The following RAB3C variants were observed in gnomAD, a reference collection of about 807,000 sequenced individuals.
RAB3C encodes the protein ras-related protein Rab-3C.
Under a neutral mutation model 26.4 loss-of-function variants are expected in RAB3C, and 17 were observed. The observed-to-expected ratio is 0.64, with a 90% CI of 0.44 to 0.97. RAB3C has a LOEUF of 0.97. Ranked by LOEUF, RAB3C falls within the 50% of genes least tolerant of loss-of-function variation. RAB3C has a pLI of 0.00. For missense variants in RAB3C, 242 were observed against 281.9 expected (o/e 0.86, Z 1.01); for synonymous variants, 91 against 95.9 (o/e 0.95, Z 0.30).
At chr5:58,747,879 C>T (rs887879719) in intron 3 of RAB3C, among the ~76,000 whole-genome samples, 2 of 151,896 alleles carry the variant, frequency 1.3e-5, no homozygotes, top group Non-Finnish European at 2.9e-5. Context: ...TTTTATATTG[C>T]CTTTGCCCAA....
intron 2 of RAB3C, among the ~76,000 whole-genome samples, chr5:58,623,137 A>G (rs1409896647): frequency 2.0e-5 from 3 of 152,248 alleles, no homozygotes; most frequent in African/African-American, 7.2e-5. Flanking sequence ...TTTAAAACAC[A>G]TAGATATGCA....
rs141240962 is a variant in RAB3C, at chr5:58,611,625, A to G, written c.25-6018A>G. Among the ~76,000 whole-genome samples the G allele has an allele frequency of 8.5e-5, 13 of 152,186 alleles. No individual in the cohort carries two copies. In the East Asian group the frequency reaches 2.5e-3, roughly 29 times the overall value. Reference sequence around the variant, plus strand: ...TGTTTAAGTTCCTCATAGATGCAGTATATTAGACATTTGTTAGAGGCATAG... The same window carrying G: ...TGTTTAAGTTCCTCATAGATGCAGTGTATTAGACATTTGTTAGAGGCATAG... On this transcript the variant is annotated intron_variant, in intron 1 of 4. Transcript: ENST00000282878.
chr5:58,848,783 A>G (rs951353609), intron 4 of RAB3C, among the ~76,000 whole-genome samples: 8 of 152,228 alleles, frequency 5.3e-5, no homozygotes, highest in African/African-American at 1.4e-4. Context: ...AAGGAAATTA[A>G]GGATTTTTTT....
chr5:58,641,714 G>C (rs1445752180), intron 2 of RAB3C, among the ~76,000 whole-genome samples: 2 of 152,164 alleles, frequency 1.3e-5, no homozygotes, highest in Non-Finnish European at 2.9e-5. Flanking sequence ...AGGAAGACCT[G>C]TCCCTTCAGC....
chr5:58,795,072 C>T (rs531463095), intron 3 of RAB3C, among the ~76,000 whole-genome samples: 192 of 152,248 alleles, frequency 1.3e-3, no homozygotes, highest in African/African-American at 4.5e-3. Flanking sequence ...ACCATGGGGG[C>T]GGGTTTTTCC....
chr5:58,787,557 C>T (rs987899409), intron 3 of RAB3C, among the ~76,000 whole-genome samples: 4 of 152,112 alleles, frequency 2.6e-5, no homozygotes, highest in Admixed American at 2.6e-4. Context: ...AGTTTACGCT[C>T]TTTGGCTTGA....
At chr5:58,615,470 GA>G (rs971135946) in intron 1 of RAB3C, among the ~76,000 whole-genome samples, 3 of 152,140 alleles carry the variant, frequency 2.0e-5, no homozygotes, top group African/African-American at 7.2e-5. Context: ...ATGTCTGCAG[GA>G]ATAGCACTGC....
Position 58,828,901 on chromosome 5 carries a change from C to CTTTTTTT in RAB3C, c.496+3754_496+3760dup, listed in dbSNP as rs762653092. Among the ~76,000 whole-genome samples the CTTTTTTT allele has an allele frequency of 3.3e-5, 4 of 122,444 alleles. 1 individual carries two copies. The highest frequency in any genetic ancestry group is 5.2e-5 in the Non-Finnish European group (3 of 57,840). The allele number at this position is 122,444 out of a possible 152,430, so 80.3% of individuals were successfully genotyped here. ...CTATAGCTGGTGTTATTTTACCATGCTTTTTTTTTTTTTTTTTTTTTGGAT... is the reference window on the plus strand; with the variant it reads ...CTATAGCTGGTGTTATTTTACCATGCTTTTTTTTTTTTTTTTTTTTTTTTTTTTGGAT... On this transcript the variant is annotated intron_variant, in intron 4 of 4. Transcript: ENST00000282878.
In RAB3C at chr5:58,851,419, A is replaced by G. The variant is rs1744112778; in HGVS notation, c.*68A>G. The G allele has an allele frequency of 8.0e-7, 1 of 1,248,040 alleles. No individual in the cohort carries two copies. The highest frequency in any genetic ancestry group is 1.5e-5 in the South Asian group (1 of 65,250). The allele number at this position is 1,248,040 out of a possible 1,614,324, so 77.3% of individuals were successfully genotyped here. On this transcript the variant is annotated 3_prime_UTR_variant, in exon 5 of 5. Transcript: ENST00000282878. ...AACAAACAGCATTTGTAAATGGTCT[A>G]TTAGCCTTCATTTATACTGCCTAAC... is the stretch of plus-strand genomic sequence containing the variant.
chr5:58,811,867 GC>G (rs1743099126), intron 3 of RAB3C, among the ~76,000 whole-genome samples: 1 of 150,860 alleles, frequency 6.6e-6, no homozygotes, highest in African/African-American at 2.4e-5. Context: ...TCACTCCTCA[GC>G]CCTTCTGAAA....
intron 2 of RAB3C, among the ~76,000 whole-genome samples, chr5:58,663,947 T>G (rs1747953164): frequency 6.6e-6 from 1 of 152,164 alleles, no homozygotes. Flanking sequence ...GCTTTGCCTG[T>G]GATAGGCTTT....
At chr5:58,739,811 T>G (rs559118187) in intron 3 of RAB3C, among the ~76,000 whole-genome samples, 1 of 152,366 alleles carries the variant, frequency 6.6e-6, no homozygotes, top group East Asian at 1.9e-4. Flanking sequence ...GAATAACAGT[T>G]GGTTCACATT....
At chr5:58,847,721 C>A (rs1429035622) in intron 4 of RAB3C, among the ~76,000 whole-genome samples, 2 of 152,044 alleles carry the variant, frequency 1.3e-5, no homozygotes, top group African/African-American at 4.8e-5. Flanking sequence ...ATCCCTGTAC[C>A]CCAAATCTAA....
chr5:58,791,715 C>T (rs995938818), intron 3 of RAB3C, among the ~76,000 whole-genome samples: 1 of 152,172 alleles, frequency 6.6e-6, no homozygotes, highest in African/African-American at 2.4e-5. Context: ...CTGTATCATT[C>T]AGATACTCAG....
chr5:58,603,269 A>T (rs1746495594), intron 1 of RAB3C, among the ~76,000 whole-genome samples: 1 of 152,102 alleles, frequency 6.6e-6, no homozygotes. Flanking sequence ...CTTAACTTTG[A>T]ATAACCTGAT....
chr5:58,839,581 G>T (rs1743831161), intron 4 of RAB3C, among the ~76,000 whole-genome samples: 1 of 151,900 alleles, frequency 6.6e-6, no homozygotes, highest in South Asian at 2.1e-4. Flanking sequence ...TGTTGGTTAG[G>T]TTGGTCAAGA....
intron 4 of RAB3C, among the ~76,000 whole-genome samples, chr5:58,836,239 A>G (rs1456502342): frequency 8.5e-6 from 1 of 117,472 alleles, no homozygotes; most frequent in African/African-American, 3.6e-5. Context: ...TCACTCATAT[A>G]TTTCTTTATT....
intron 2 of RAB3C, among the ~76,000 whole-genome samples, chr5:58,626,714 G>A (rs1747060090): frequency 6.6e-6 from 1 of 152,070 alleles, no homozygotes; most frequent in African/African-American, 2.4e-5. Context: ...ACAATACCTG[G>A]CATATAGTAA....
At chr5:58,667,199 A>C (rs1399226522) in intron 2 of RAB3C, among the ~76,000 whole-genome samples, 1 of 152,166 alleles carries the variant, frequency 6.6e-6, no homozygotes, top group Non-Finnish European at 1.5e-5. Context: ...TGAGCTTGGC[A>C]ATTTGCCCAG....
Sources: gnomAD v4.1 joint callset for allele counts (sites outside exome capture counted in the v4.1 genomes callset) on GRCh38, gnomAD v4.1.1 for gene constraint, MANE v1.5 for transcripts, NCBI Gene and HGNC (gene_info 2026-07-23, HGNC 2026-07-21) for gene names.